NFAT5: variants seen among roughly 807,000 people sequenced by gnomAD.
NFAT5 encodes nuclear factor of activated T-cells 5.
NFAT5 carries 31 observed loss-of-function variants against 166.5 expected under a neutral mutation model. The ratio of observed to expected loss-of-function variants is 0.19; its 90% confidence interval spans 0.14 to 0.25. The LOEUF (loss-of-function observed/expected upper bound fraction) is 0.25, where lower values mean the gene tolerates loss of function less well. Ranked by LOEUF, NFAT5 falls within the 10% of genes least tolerant of loss-of-function variation. The probability of loss-of-function intolerance (pLI) is 1.00; values close to 1 mark genes in which losing one functional copy is unlikely to be tolerated. For synonymous variants in NFAT5, 612 were observed against 639.7 expected (o/e 0.96, Z 0.65); for missense variants, 1,449 against 1,821.8 (o/e 0.80, Z 3.72).
At position 69,702,993 on chromosome 16, in the gene NFAT5, A is replaced by T. The variant is rs181593201; in HGVS notation, c.*6642A>T. On this transcript the variant is annotated 3_prime_UTR_variant, in exon 15 of 15. Coordinates refer to ENST00000349945, the MANE Select transcript of NFAT5 (RefSeq NM_138713.4). ...TTTAAATATATAGGTGCAATGTTCT[A>T]TGTTTATTTTAATTGTTATGACATT... 6.6e-6 allele frequency: 1 copy of T among 152,628 alleles called. No individual in the cohort carries two copies. Among genetic ancestry groups the T allele is most frequent in the African/African-American group, 2.4e-5 (1 of 41,456 alleles). 9.5% of individuals were successfully genotyped at this position (152,628 alleles called of 1,614,324 possible).
At position 69,655,646 on chromosome 16, in the gene NFAT5, T is replaced by C. The variant is rs1365934306; in HGVS notation, c.1043T>C (p.Phe348Ser). The change falls in exon 6 of 15, where the codon TTT becomes TCT. Residue 348 changes from phenylalanine to serine, a missense_variant. By Grantham distance (155) the Phe-to-Ser change is radical. Coordinates refer to ENST00000349945, the MANE Select transcript of NFAT5 (RefSeq NM_138713.4). Reference sequence around the variant, plus strand: ...AATGAACCTGTAGTGTTGCAAGTGTTTGTGGGCAACGACTCTGGACGAGTG... The same window carrying C: ...AATGAACCTGTAGTGTTGCAAGTGTCTGTGGGCAACGACTCTGGACGAGTG... Reference protein sequence around the residue: ...GHNEPVVLQVFVGNDSGRVKP... With the variant: ...GHNEPVVLQVSVGNDSGRVKP... The C allele has an allele frequency of 6.2e-7, 1 of 1,612,394 alleles. No homozygotes were observed. Among genetic ancestry groups the C allele is most frequent in the Non-Finnish European group, 8.5e-7 (1 of 1,179,016 alleles).
intron 5 of NFAT5, 124 bp downstream of exon 5, chr16:69,653,552 A>C: frequency 1.7e-6 from 1 of 595,570 alleles, no homozygotes; most frequent in South Asian, 3.3e-5. Context: ...TTTGAATTAG[A>C]TTCATCCCAA....
chr16:69,653,412 G>T lies in NFAT5; in HGVS notation c.989G>T (p.Gly330Val). 1.3e-6 allele frequency: 2 copies of T among 1,578,402 alleles called. No homozygotes were observed. The highest frequency in any genetic ancestry group is 8.6e-7 in the Non-Finnish European group (1 of 1,169,208). ...RGSVKDRTQQ[G>V]FPTVKLEGHN... ...TCAGTGAAAGATAGAACACAGCAAG[G>T]CTTTCCTACAGTAAAGGTATTTACT... The change falls in exon 5 of 15, where the codon GGC becomes GTC. Residue 330 changes from glycine (G) to valine (V), a missense_variant. This residue lies in a region of NFAT5 where 13 missense variants were observed against 16.4 expected (regional missense o/e 0.79). Transcript: ENST00000349945.
rs997672608 is a variant in NFAT5, at chr16:69,701,290, A to G, written c.*4939A>G. On this transcript the variant is annotated 3_prime_UTR_variant, in exon 15 of 15. Transcript: ENST00000349945. ...TCCCCATTTATTTTTATGCCATTCT[A>G]GCCTCATTTATTAATAAAATTATGT... is the stretch of plus-strand genomic sequence containing the variant. 2 of 152,600 alleles carry G rather than the reference A, an allele frequency of 1.3e-5. No homozygotes were observed. The highest frequency in any genetic ancestry group is 1.3e-4 in the Admixed American group (2 of 15,282). The allele number at this position is 152,600 out of a possible 1,614,324, so 9.5% of individuals were successfully genotyped here.
rs1422425705 is a variant in NFAT5 at position 69,694,208 on chromosome 16, A to G, written c.4383A>G (p.Thr1461=). ...ATTCTCCTGGCTCATCTCAGCAGAC[A>G]TCAGGAATGTTCTTATTTGGCATTC... is the stretch of plus-strand genomic sequence containing the variant. The part of the protein sequence containing the change: ...LQNSPGSSQQ[T]SGMFLFGIQN... The change falls in exon 13 of 15, where the codon ACA becomes ACG. Residue 1461 remains threonine (T), a synonymous_variant. Transcript: ENST00000349945. The G allele has an allele frequency of 6.2e-7, 1 of 1,612,260 alleles. No individual in the cohort carries two copies. The highest frequency in any genetic ancestry group is 8.5e-7 in the Non-Finnish European group (1 of 1,179,494).
At chr16:69,623,939 C>G (rs1314184127) in intron 2 of NFAT5, among the ~76,000 whole-genome samples, 2 of 148,740 alleles carry the variant, frequency 1.3e-5, no homozygotes, top group Non-Finnish European at 1.5e-5. Flanking sequence ...TGGAAAAAAA[C>G]AGGGTCTCAC....
At chr16:69,657,286 G>A (rs764302321) in intron 6 of NFAT5, among the ~76,000 whole-genome samples, 63 of 150,952 alleles carry the variant, frequency 4.2e-4, no homozygotes, top group Non-Finnish European at 6.9e-4. Context: ...GCCCACCACC[G>A]TACCTGGCTA....
chr16:69,648,463 C>G, intron 4 of NFAT5: 2 of 869,298 alleles, frequency 2.3e-6, no homozygotes, highest in Non-Finnish European at 2.8e-6. Context: ...TTTTTTAAAT[C>G]ACTCATTTTT....
intron 6 of NFAT5, among the ~76,000 whole-genome samples, chr16:69,656,215 A>G (rs894185355): frequency 7.8e-5 from 11 of 140,898 alleles, no homozygotes; most frequent in Non-Finnish European, 1.2e-4. Context: ...CAGGAGGCGG[A>G]GTTTGCAGTG....
At chr16:69,582,678 CTTTT>C (rs376463471) in intron 2 of NFAT5, among the ~76,000 whole-genome samples, 1 of 136,242 alleles carries the variant, frequency 7.3e-6, no homozygotes, top group African/African-American at 2.7e-5. Context: ...AGATGTATGG[CTTTT>C]TTTTTTTTTC....
intron 11 of NFAT5, 169 bp downstream of exon 11, chr16:69,685,139 C>T (rs2037235309): frequency 3.8e-6 from 1 of 262,434 alleles, no homozygotes; most frequent in African/African-American, 2.3e-5. Context: ...ACTTGTTTTC[C>T]AATTTGATAT....
intron 2 of NFAT5, among the ~76,000 whole-genome samples, chr16:69,585,253 C>T (rs2031979895): frequency 6.6e-6 from 1 of 152,042 alleles, no homozygotes; most frequent in African/African-American, 2.4e-5. Context: ...TCATGATCCA[C>T]CTGCCTCGGC....
At chr16:69,664,509 T>A (rs2036280464) in intron 7 of NFAT5, among the ~76,000 whole-genome samples, 1 of 151,982 alleles carries the variant, frequency 6.6e-6, no homozygotes, top group South Asian at 2.1e-4. Flanking sequence ...ATGGTCTCAA[T>A]CTCCTGACCT....
chr16:69,589,819 T>A (rs1567522925), intron 2 of NFAT5, among the ~76,000 whole-genome samples: 1 of 152,186 alleles, frequency 6.6e-6, no homozygotes, highest in Non-Finnish European at 1.5e-5. Context: ...TCTCTGTATC[T>A]TTTTTCTTCC....
chr16:69,658,094 A>T (rs2035968242), intron 6 of NFAT5, among the ~76,000 whole-genome samples: 1 of 151,538 alleles, frequency 6.6e-6, no homozygotes, highest in African/African-American at 2.4e-5. Flanking sequence ...AAAAAAAAAA[A>T]ATAAATAAAG....
chr16:69,568,328 A>ATG (rs1488022192), intron 1 of NFAT5, among the ~76,000 whole-genome samples, 167 bp from the exon 2 acceptor site: 19 of 117,806 alleles, frequency 1.6e-4, no homozygotes, highest in East Asian at 5.2e-4. Flanking sequence ...TTCAAAATGT[A>ATG]TGTGTGTATA....
intron 11 of NFAT5, chr16:69,685,567 A>G (rs1206216088): frequency 6.6e-6 from 1 of 152,372 alleles, no homozygotes; most frequent in Non-Finnish European, 1.5e-5. Flanking sequence ...AAAAAGTGAA[A>G]TAAGGCCAGG....
At chr16:69,659,932 T>A (rs751290143) in intron 7 of NFAT5, 33 bp downstream of exon 7, 41 of 1,493,168 alleles carry the variant, frequency 2.7e-5, no homozygotes, top group Non-Finnish European at 3.7e-5. Context: ...ACTAAACATA[T>A]GGAGTTTCTT....
At chr16:69,576,622 C>T (rs2016770785) in intron 2 of NFAT5, among the ~76,000 whole-genome samples, 1 of 152,082 alleles carries the variant, frequency 6.6e-6, no homozygotes, top group Admixed American at 6.6e-5. Flanking sequence ...GTAATCCCAG[C>T]ACTTTGGGAG....
Sources: allele counts gnomAD v4.1 joint callset (sites outside exome capture counted in the v4.1 genomes callset), GRCh38; gene constraint gnomAD v4.1.1; regional missense constraint gnomAD v4.1.1; transcripts MANE v1.5; gene names NCBI Gene and HGNC (gene_info 2026-07-23, HGNC 2026-07-21).